The following RBFOX3 variants were observed in gnomAD, a reference collection of about 807,000 sequenced individuals.
RBFOX3 encodes the protein RNA binding fox-1 homolog 3, also known as RNA binding protein fox-1 homolog 3.
In RBFOX3, 17 loss-of-function variants were observed where a neutral mutation model predicts 48.7. The observed-to-expected ratio is 0.35, with a 90% CI of 0.24 to 0.52. The LOEUF (loss-of-function observed/expected upper bound fraction) is 0.52. RBFOX3 is among the 20% of genes least tolerant of loss of function. The pLI, the probability that RBFOX3 is intolerant of heterozygous loss-of-function variation, is 0.94. For synonymous variants in RBFOX3, 212 were observed against 209.5 expected, an observed-to-expected ratio of 1.01 and a Z score of -0.10; for missense variants, 382 against 497.5, an observed-to-expected ratio of 0.77 and a Z score of 2.21.
intron 2 of RBFOX3, among the ~76,000 whole-genome samples, chr17:79,333,097 G>T (rs2080652658): frequency 1.4e-5 from 2 of 143,730 alleles, no homozygotes; most frequent in East Asian, 1.9e-4. Flanking sequence ...CAGACACAGA[G>T]AAAAAGAGAG....
chr17:79,388,565 A>G (rs1008355534), intron 2 of RBFOX3, among the ~76,000 whole-genome samples: 1 of 152,228 alleles, frequency 6.6e-6, no homozygotes, highest in African/African-American at 2.4e-5. Flanking sequence ...TCTCTTTTAA[A>G]AACAGGGGAT....
At chr17:79,610,530 G>A (rs1245342141) in intron 1 of RBFOX3, among the ~76,000 whole-genome samples, 1 of 151,924 alleles carries the variant, frequency 6.6e-6, no homozygotes, top group African/African-American at 2.4e-5. Context: ...TCTCCATGGA[G>A]CCCGACCCCC....
intron 2 of RBFOX3, among the ~76,000 whole-genome samples, chr17:79,351,242 C>T (rs80112154): frequency 0.011 from 1,653 of 152,330 alleles, 26 homozygotes; most frequent in African/African-American, 0.038. Flanking sequence ...GTCTCTGAGT[C>T]GCTGTGTTCA....
chr17:79,550,687 G>A (rs1488267867), intron 1 of RBFOX3, among the ~76,000 whole-genome samples: 8 of 152,132 alleles, frequency 5.3e-5, no homozygotes, highest in African/African-American at 7.2e-5. Flanking sequence ...ATAGGTAGGT[G>A]GATGGGTAGA....
rs879731684 is a variant in RBFOX3, at chr17:79,254,290, T to C, written c.-73-18485A>G. Among the ~76,000 whole-genome samples, 1 of 152,160 alleles carries C rather than the reference T, an allele frequency of 6.6e-6. No homozygotes were observed. The highest frequency in any genetic ancestry group is 1.5e-5 in the Non-Finnish European group (1 of 68,022). On this transcript the variant is annotated intron_variant, in intron 3 of 14. Transcript: ENST00000693108. This position sits in a 1 kb window ranked among gnomAD's most constrained non-coding sequence, Gnocchi z 4.8. ...GAAGAGGCCAGCTGCTGCCCAGTCC[T>C]ATTCCTGCCTCGTTCAGAACCCTGC...
intron 2 of RBFOX3, among the ~76,000 whole-genome samples, chr17:79,323,748 G>T (rs965029701): frequency 6.6e-6 from 1 of 152,262 alleles, no homozygotes; most frequent in African/African-American, 2.4e-5. Context: ...GAGAGCTGGC[G>T]AGAGAGGCAT....
chr17:79,154,607 C>T (rs551817458), intron 4 of RBFOX3, among the ~76,000 whole-genome samples: 8 of 152,314 alleles, frequency 5.3e-5, no homozygotes, highest in East Asian at 3.9e-4. Flanking sequence ...GCTGCCCAGC[C>T]GGGCATGAGC....
At chr17:79,307,090 G>A (rs1205925064) in intron 3 of RBFOX3, among the ~76,000 whole-genome samples, 1 of 152,276 alleles carries the variant, frequency 6.6e-6, no homozygotes, top group Non-Finnish European at 1.5e-5. Flanking sequence ...CATACCTACA[G>A]CACAGGTGCC....
the RBFOX3 span, among the ~76,000 whole-genome samples, chr17:79,620,859 C>T: frequency 2.0e-5 from 3 of 152,334 alleles, no homozygotes; most frequent in African/African-American, 7.2e-5. Context: ...GCCCTTGGGA[C>T]CCAGGCTGTC....
In RBFOX3 at chr17:79,204,041, A is replaced by G. The variant is rs190118775; in HGVS notation, c.-34+31725T>C. 6.6e-6 allele frequency among the ~76,000 whole-genome samples: 1 copy of G among 152,300 alleles called. No individual in the cohort carries two copies. Among genetic ancestry groups the G allele is most frequent in the East Asian group, 1.9e-4 (1 of 5,184 alleles). ...GAAGTGGCCCCTTCCATCTTTGCTA[A>G]GAGAAAGCAGACTTTTCTCACCTGG... is the stretch of plus-strand genomic sequence containing the variant. On this transcript the variant is annotated intron_variant, in intron 4 of 14. Transcript: ENST00000693108. The surrounding 1 kb of genome is among the most constrained non-coding windows in gnomAD (Gnocchi z 4.5).
At chr17:79,358,876 C>T (rs2085745916) in intron 2 of RBFOX3, among the ~76,000 whole-genome samples, 1 of 152,206 alleles carries the variant, frequency 6.6e-6, no homozygotes, top group Admixed American at 6.5e-5. Flanking sequence ...CTCTACCTTC[C>T]TGCCAATTGC....
At chr17:79,104,461 C>CTCCA (rs909347974) in intron 6 of RBFOX3, among the ~76,000 whole-genome samples, 19 of 152,158 alleles carry the variant, frequency 1.2e-4, no homozygotes, top group African/African-American at 4.6e-4. Context: ...AGGACACTAA[C>CTCCA]TCCAGCTGCC....
intron 4 of RBFOX3, among the ~76,000 whole-genome samples, chr17:79,143,044 G>A (rs1002896153): frequency 2.6e-5 from 4 of 152,176 alleles, no homozygotes; most frequent in Admixed American, 2.0e-4. Flanking sequence ...GCTGGTCCCT[G>A]CACATCTGCT....
At chr17:79,588,393 T>C (rs1247354138) in intron 1 of RBFOX3, among the ~76,000 whole-genome samples, 1 of 152,086 alleles carries the variant, frequency 6.6e-6, no homozygotes, top group African/African-American at 2.4e-5. Flanking sequence ...AAAAACATCC[T>C]GAGGGCAGGC....
the RBFOX3 span, among the ~76,000 whole-genome samples, chr17:79,656,752 A>G: frequency 0.13 from 2,960 of 22,514 alleles, 73 homozygotes; most frequent in Middle Eastern, 0.2. Context: ...GAAAGAAAGA[A>G]GGAAGGAAGG....
chr17:79,163,170 C>G (rs965203855), intron 4 of RBFOX3, among the ~76,000 whole-genome samples: 1 of 152,242 alleles, frequency 6.6e-6, no homozygotes, highest in Non-Finnish European at 1.5e-5. Context: ...CATCCGGCCC[C>G]AGGACCCTAG....
intron 1 of RBFOX3, among the ~76,000 whole-genome samples, chr17:79,605,880 G>T (rs917258316): frequency 1.3e-5 from 2 of 152,086 alleles, no homozygotes; most frequent in Non-Finnish European, 2.9e-5. Flanking sequence ...CAACCTACAC[G>T]GAAGGAGTGG....
At chr17:79,463,890 C>T (rs1359479418) in intron 2 of RBFOX3, among the ~76,000 whole-genome samples, 5 of 150,128 alleles carry the variant, frequency 3.3e-5, no homozygotes, top group Admixed American at 1.3e-4. Context: ...CCACCACCAT[C>T]GCCATCACCA....
chr17:79,268,215 C>T (rs903498797), intron 3 of RBFOX3, among the ~76,000 whole-genome samples: 5 of 152,132 alleles, frequency 3.3e-5, no homozygotes, highest in African/African-American at 7.2e-5. Flanking sequence ...TCAGGACTGG[C>T]GGGTTGCAGA....
Sources: allele counts gnomAD v4.1 joint callset (sites outside exome capture counted in the v4.1 genomes callset), GRCh38; gene constraint gnomAD v4.1.1; non-coding constraint Gnocchi (gnomAD v3.1); transcripts MANE v1.5; gene names NCBI Gene and HGNC (gene_info 2026-07-23, HGNC 2026-07-21).